Variants in METAP1 observed in about 807,000 individuals in gnomAD.
METAP1 encodes the protein methionine aminopeptidase 1.
Under a neutral mutation model 53.8 loss-of-function variants are expected in METAP1, and 28 were observed. The ratio of observed to expected loss-of-function variants is 0.52; its 90% CI spans 0.39 to 0.71. METAP1 has a LOEUF of 0.71. Ranked by LOEUF, METAP1 falls within the 30% of genes least tolerant of loss-of-function variation. METAP1 has a pLI of 0.00. For synonymous variants in METAP1, 181 were observed against 165.7 expected (o/e 1.09, Z -0.71); for missense variants, 389 against 479.8 (o/e 0.81, Z 1.77).
At chr4:99,039,037 A>G (rs907465332) in intron 4 of METAP1, among the ~76,000 whole-genome samples, 3 of 152,146 alleles carry the variant, frequency 2.0e-5, no homozygotes, top group African/African-American at 7.2e-5. Context: ...TATGAAAGTA[A>G]TTTGTAAATT....
intron 1 of METAP1, among the ~76,000 whole-genome samples, chr4:99,002,893 C>T (rs938543781): frequency 1.3e-5 from 2 of 151,726 alleles, no homozygotes; most frequent in Non-Finnish European, 2.9e-5. Flanking sequence ...TGGGGAAACC[C>T]CGTTTCTACT....
chr4:99,009,284 G>A (rs1040558045), intron 1 of METAP1, among the ~76,000 whole-genome samples: 2 of 152,242 alleles, frequency 1.3e-5, no homozygotes, highest in African/African-American at 4.8e-5. Context: ...GGACATTTGG[G>A]TTGTCTCTAC....
At chr4:99,017,089 G>A (rs1388893844) in intron 1 of METAP1, among the ~76,000 whole-genome samples, 1 of 152,240 alleles carries the variant, frequency 6.6e-6, no homozygotes, top group African/African-American at 2.4e-5. Context: ...TACCTGATCT[G>A]CAAGATTATT....
chr4:99,040,967 A>T, intron 5 of METAP1, 76 bp from the exon 6 acceptor site: 1 of 788,314 alleles, frequency 1.3e-6, no homozygotes, highest in Non-Finnish European at 1.9e-6. Context: ...CCAATCTTCC[A>T]CAGTCAAACA....
chr4:99,018,439 C>T (rs986615230), intron 1 of METAP1, among the ~76,000 whole-genome samples: 3 of 152,128 alleles, frequency 2.0e-5, no homozygotes, highest in Admixed American at 1.3e-4. Flanking sequence ...CTATCTAGAG[C>T]ATGAGTAAAA....
chr4:99,051,228 C>G (rs1396779057), intron 9 of METAP1, among the ~76,000 whole-genome samples: 1 of 151,820 alleles, frequency 6.6e-6, no homozygotes, highest in Non-Finnish European at 1.5e-5. Context: ...AGACTGAAGA[C>G]AATAATATTT....
intron 10 of METAP1, among the ~76,000 whole-genome samples, chr4:99,059,736 C>A (rs571351335): frequency 3.9e-5 from 6 of 152,170 alleles, no homozygotes; most frequent in African/African-American, 9.6e-5. Flanking sequence ...CCCTTCACCC[C>A]CTTTCCCTCC....
chr4:98,997,855 G>C (rs780445436), intron 1 of METAP1, among the ~76,000 whole-genome samples: 8 of 152,030 alleles, frequency 5.3e-5, no homozygotes, highest in Non-Finnish European at 8.8e-5. Flanking sequence ...CTTCATTTCT[G>C]TTACCACCTC....
intron 6 of METAP1, among the ~76,000 whole-genome samples, chr4:99,042,917 A>G (rs532526145): frequency 5.9e-5 from 9 of 152,270 alleles, no homozygotes; most frequent in South Asian, 2.1e-4. Flanking sequence ...AAATGCTCCA[A>G]TGGGCATTTC....
chr4:99,001,840 C>G (rs1038598093), intron 1 of METAP1, among the ~76,000 whole-genome samples: 4 of 152,158 alleles, frequency 2.6e-5, no homozygotes, highest in Non-Finnish European at 5.9e-5. Flanking sequence ...GTGGTTCTCA[C>G]AGTGTAGTTA....
intron 1 of METAP1, among the ~76,000 whole-genome samples, chr4:99,002,111 T>G (rs148452321): frequency 6.6e-6 from 1 of 152,360 alleles, no homozygotes; most frequent in African/African-American, 2.4e-5. Context: ...TGAATCTTTT[T>G]CATGTTTAGC....
intron 1 of METAP1, among the ~76,000 whole-genome samples, chr4:98,999,037 C>T (rs1176054665): frequency 6.6e-6 from 1 of 152,096 alleles, no homozygotes; most frequent in Non-Finnish European, 1.5e-5. Context: ...GAACTGCTGA[C>T]CTCAGGTGAT....
At chr4:99,056,141 A>G (rs1221863485) in intron 9 of METAP1, among the ~76,000 whole-genome samples, 1 of 152,180 alleles carries the variant, frequency 6.6e-6, no homozygotes, top group Non-Finnish European at 1.5e-5. Context: ...GTCAGCCTCA[A>G]AGGGCGGGCA....
intron 1 of METAP1, among the ~76,000 whole-genome samples, chr4:99,025,165 A>G (rs571832413): frequency 3.3e-5 from 5 of 152,314 alleles, no homozygotes; most frequent in African/African-American, 1.2e-4. Context: ...GTAGCAGTCC[A>G]TGGCCTGGGG....
At chr4:99,045,099 A>G (rs1471028294) in intron 7 of METAP1, 80 bp from the exon 8 acceptor site, 21 of 1,391,224 alleles carry the variant, frequency 1.5e-5, no homozygotes, top group Non-Finnish European at 2.1e-5. Context: ...TTAAGTTGCT[A>G]GATGCTGTCA....
chr4:99,061,076 T>C (rs1727516021), intron 10 of METAP1, 78 bp from the exon 11 acceptor site: 3 of 1,481,920 alleles, frequency 2.0e-6, no homozygotes, highest in Non-Finnish European at 2.7e-6. Flanking sequence ...TAGTAGTGAA[T>C]TTTTTCCTTG....
intron 8 of METAP1, among the ~76,000 whole-genome samples, chr4:99,047,916 C>A (rs2110395519): frequency 6.6e-6 from 1 of 152,232 alleles, no homozygotes; most frequent in South Asian, 2.1e-4. Flanking sequence ...CTAGGGTTGT[C>A]CTGTAGAGGC....
At chr4:99,026,320 A>C in intron 1 of METAP1, 1 of 985,294 alleles carries the variant, frequency 1.0e-6, no homozygotes, top group African/African-American at 1.7e-5. Context: ...AAATAAGTGG[A>C]GAATAAAGTA....
chr4:99,062,345 G>A lies in METAP1; in HGVS notation c.*1028G>A, dbSNP rs1197989436. ...GAATTTTGTGTACTGTAACCTTGCA[G>A]TAGAGATGCAGCTGTCCTTCGTGTG... On this transcript the variant is annotated 3_prime_UTR_variant, in exon 11 of 11. Transcript: ENST00000296411. The A allele has an allele frequency of 2.0e-5, 3 of 152,372 alleles. No homozygotes were observed. The highest frequency in any genetic ancestry group is 4.4e-5 in the Non-Finnish European group (3 of 68,048). The allele number at this position is 152,372 out of a possible 1,614,324, so 9.4% of individuals were successfully genotyped here.
Sources: allele counts gnomAD v4.1 joint callset (sites outside exome capture counted in the v4.1 genomes callset), GRCh38; gene constraint gnomAD v4.1.1; transcripts MANE v1.5; gene names NCBI Gene and HGNC (gene_info 2026-07-23, HGNC 2026-07-21).